SH3BGR: variants seen among roughly 807,000 people sequenced by gnomAD.
The protein encoded by SH3BGR is SH3 domain-binding glutamic acid-rich protein.
Under a neutral mutation model 24.5 loss-of-function variants are expected in SH3BGR, and 29 were observed. The observed-to-expected ratio is 1.18, with a 90% CI of 0.88 to 1.61. The LOEUF is 1.61. Ranked by LOEUF, SH3BGR falls within the 40% of genes most tolerant of loss-of-function variation. The probability of loss-of-function intolerance (pLI) is 0.00; values close to 1 mark genes in which losing one functional copy is unlikely to be tolerated. For missense variants in SH3BGR, 162 were observed against 205.8 expected (o/e 0.79, Z 1.30); for synonymous variants, 55 against 65.7 (o/e 0.84, Z 0.79).
intron 3 of SH3BGR, among the ~76,000 whole-genome samples, chr21:39,482,533 G>C (rs573048945): frequency 6.6e-6 from 1 of 152,192 alleles, no homozygotes; most frequent in African/African-American, 2.4e-5. Context: ...GAATGCCCTT[G>C]TTTTTAGAAG....
chr21:39,511,244 G>T lies in SH3BGR; in HGVS notation c.436-436G>T. Among the ~76,000 whole-genome samples, 1 of 149,832 alleles carries T rather than the reference G, an allele frequency of 6.7e-6. No homozygotes were observed. Among genetic ancestry groups the T allele is most frequent in the Non-Finnish European group, 1.5e-5 (1 of 67,300 alleles). On this transcript the variant is annotated intron_variant, in intron 5 of 6. Transcript: ENST00000333634. This position sits in a 1 kb window ranked among gnomAD's most constrained non-coding sequence, Gnocchi z 4.2. ...GTTATGGTGTGTATGTTATGGTGTG[G>T]AGGGTATGTATGTGTATGTGTGATG...
chr21:39,451,310 TGAGA>T, upstream of SH3BGR, among the ~76,000 whole-genome samples: 1 of 152,124 alleles, frequency 6.6e-6, no homozygotes, highest in African/African-American at 2.4e-5. Flanking sequence ...AATAAAATAG[TGAGA>T]CAATTGGCTT....
At chr21:39,493,170 T>C (rs2078333292) in intron 3 of SH3BGR, among the ~76,000 whole-genome samples, 1 of 152,214 alleles carries the variant, frequency 6.6e-6, no homozygotes, top group Admixed American at 6.5e-5. Flanking sequence ...GCTTTTGGGT[T>C]CTTGGTCATG....
At chr21:39,477,720 C>A (rs949093466) in intron 3 of SH3BGR, among the ~76,000 whole-genome samples, 2 of 152,052 alleles carry the variant, frequency 1.3e-5, no homozygotes, top group Non-Finnish European at 2.9e-5. Flanking sequence ...ATTTTAATGA[C>A]CTTGATCTTA....
Position 39,509,012 on chromosome 21 carries a change from GAC to G in SH3BGR, c.422_423del (p.Thr141SerfsTer53). Reference sequence around the variant, plus strand: ...ATGGATGTAAGGAAGAAGAAGGAGAGACAGCCACAGAAGAGGTACGGTCGACC... The same window carrying G: ...ATGGATGTAAGGAAGAAGAAGGAGAGAGCCACAGAAGAGGTACGGTCGACC... ...AQEKNEEEGE[T>X]ATEETEEIAM... On this transcript the variant is annotated frameshift_variant, in exon 5 of 7. Coordinates refer to ENST00000333634, the MANE Select transcript of SH3BGR (RefSeq NM_007341.3). LOFTEE classifies it high-confidence loss of function. 2 of 1,609,318 alleles carry G rather than the reference GAC, an allele frequency of 1.2e-6. No homozygotes were observed. The highest frequency in any genetic ancestry group is 1.7e-6 in the Non-Finnish European group (2 of 1,177,260).
chr21:39,475,284 C>A (rs62222761), intron 3 of SH3BGR, 69 bp downstream of exon 3: 1 of 928,696 alleles, frequency 1.1e-6, no homozygotes, highest in South Asian at 1.3e-5. Context: ...ATCACCGCAT[C>A]CAAGACTGTT....
At chr21:39,485,978 A>G (rs7278885) in intron 3 of SH3BGR, among the ~76,000 whole-genome samples, 86,027 of 151,932 alleles carry the variant, frequency 0.57, 24,677 homozygotes, top group East Asian at 0.68. Flanking sequence ...GTGAGCCACC[A>G]CGCCCGGCCG....
At chr21:39,501,612 G>A (rs1014366267) in intron 4 of SH3BGR, among the ~76,000 whole-genome samples, 7 of 152,188 alleles carry the variant, frequency 4.6e-5, no homozygotes, top group African/African-American at 1.7e-4. Context: ...CCTACAGAAA[G>A]ACAGATTCTG....
chr21:39,510,909 C>CTA (rs61692072), intron 5 of SH3BGR, among the ~76,000 whole-genome samples: 8,435 of 65,644 alleles, frequency 0.13, 887 homozygotes, highest in African/African-American at 0.16. Flanking sequence ...ATTCTTCTAA[C>CTA]TATATATATA....
chr21:39,446,975 G>A (rs1242348837), upstream of SH3BGR: 4 of 151,918 alleles, frequency 2.6e-5, no homozygotes, highest in Non-Finnish European at 5.9e-5. Context: ...GGTAGAAGTG[G>A]GTTAGGACAA....
chr21:39,497,560 A>T (rs1271870664), intron 3 of SH3BGR, among the ~76,000 whole-genome samples: 2 of 152,080 alleles, frequency 1.3e-5, no homozygotes, highest in Non-Finnish European at 2.9e-5. Context: ...AATTTTTAAT[A>T]TAGAAAGATA....
chr21:39,479,238 G>GGTGA (rs1555912284), intron 3 of SH3BGR, among the ~76,000 whole-genome samples: 29 of 144,478 alleles, frequency 2.0e-4, no homozygotes, highest in Non-Finnish European at 4.1e-4. Context: ...GGTGGTGGTG[G>GGTGA]TGGTGGTGGT....
chr21:39,498,538 G>C (rs1421715966), intron 3 of SH3BGR, among the ~76,000 whole-genome samples: 4 of 152,168 alleles, frequency 2.6e-5, no homozygotes, highest in Non-Finnish European at 4.4e-5. Flanking sequence ...AGTTTGAATA[G>C]TTAAGACATT....
At chr21:39,491,553 CT>C in intron 3 of SH3BGR, 1 of 278,594 alleles carries the variant, frequency 3.6e-6, no homozygotes, top group Non-Finnish European at 7.0e-6. Context: ...CTTACATGGG[CT>C]TTGGTGGGGG....
At chr21:39,483,624 G>A (rs2078165262) in intron 3 of SH3BGR, among the ~76,000 whole-genome samples, 1 of 152,188 alleles carries the variant, frequency 6.6e-6, no homozygotes, top group Non-Finnish European at 1.5e-5. Flanking sequence ...CGTTTTCCCA[G>A]CTATAAAATG....
rs888957514 is a variant in SH3BGR at position 39,499,835 on chromosome 21, G to T, written c.325G>T (p.Ala109Ser). The T allele has an allele frequency of 6.2e-7, 1 of 1,613,560 alleles. No individual in the cohort carries two copies. Among genetic ancestry groups the T allele is most frequent in the Non-Finnish European group, 8.5e-7 (1 of 1,179,690 alleles). Residue 109 changes from alanine (A) to serine (S), a missense_variant, in exon 4 of 7, where the codon GCT becomes TCT. Ala to Ser is a moderately conservative substitution (Grantham distance 99). Transcript: ENST00000333634. Reference sequence around the variant, plus strand: ...CCTTTATGACCAGGGATCAGAGAAGGCTGAAGAAGGTGGAGAAACTGAGGC... The same window carrying T: ...CCTTTATGACCAGGGATCAGAGAAGTCTGAAGAAGGTGGAGAAACTGAGGC... ...PPPDSKGSEKAEEGGETEAQK... is the reference protein window; with the variant it reads ...PPPDSKGSEKSEEGGETEAQK...
At chr21:39,503,468 G>A (rs2078531272) in intron 4 of SH3BGR, among the ~76,000 whole-genome samples, 2 of 152,086 alleles carry the variant, frequency 1.3e-5, no homozygotes, top group Non-Finnish European at 2.9e-5. Flanking sequence ...CATGTGTGCA[G>A]TAAAAACACA....
upstream of SH3BGR, chr21:39,451,902 C>T (rs759754174): frequency 6.2e-7 from 1 of 1,613,524 alleles, no homozygotes; most frequent in Non-Finnish European, 8.5e-7. Flanking sequence ...GAGGGAGGAG[C>T]CCAAGATGCC....
At chr21:39,508,464 A>C (rs78814677) in intron 4 of SH3BGR, among the ~76,000 whole-genome samples, 1 of 152,122 alleles carries the variant, frequency 6.6e-6, no homozygotes, top group Non-Finnish European at 1.5e-5. Flanking sequence ...TACCTTGCAA[A>C]TTTCTTTCTT....
Sources: allele counts gnomAD v4.1 joint callset (sites outside exome capture counted in the v4.1 genomes callset), GRCh38; gene constraint gnomAD v4.1.1; non-coding constraint Gnocchi (gnomAD v3.1); transcripts MANE v1.5; gene names NCBI Gene and HGNC (gene_info 2026-07-23, HGNC 2026-07-21).